Variants in PKHD1 observed in about 807,000 individuals in gnomAD.
PKHD1 encodes the protein fibrocystin.
Under a neutral mutation model 412.0 loss-of-function variants are expected in PKHD1, and 291 were observed. The ratio of observed to expected loss-of-function variants is 0.71; its 90% CI spans 0.64 to 0.78. The LOEUF (loss-of-function observed/expected upper bound fraction) is 0.78. Ranked by LOEUF, PKHD1 falls within the 30% of genes least tolerant of loss-of-function variation. The pLI is 0.00. For synonymous variants in PKHD1, 1,777 were observed against 1,821.5 expected, an observed-to-expected ratio of 0.98 and a Z score of 0.62; for missense variants, 4,825 against 4,950.7, an observed-to-expected ratio of 0.97 and a Z score of 0.76.
chr6:51,812,267 C>T (rs1478258839), intron 52 of PKHD1, among the ~76,000 whole-genome samples: 1 of 152,152 alleles, frequency 6.6e-6, no homozygotes, highest in African/African-American at 2.4e-5. Context: ...AATTTAGAAA[C>T]ATTTCCATTG....
chr6:51,722,074 T>C (rs1356994174), intron 60 of PKHD1: 2 of 1,612,866 alleles, frequency 1.2e-6, no homozygotes, highest in South Asian at 1.1e-5. Context: ...CAAAAATATG[T>C]CTCCACCCTT....
rs566971541 is a variant in PKHD1 at position 51,642,954 on chromosome 6, T to C, written c.11399-3998A>G. On this transcript the variant is annotated intron_variant, in intron 63 of 66. Coordinates refer to ENST00000371117, the MANE Select transcript of PKHD1 (RefSeq NM_138694.4). Reference sequence around the variant, plus strand: ...ATGAGTATGGGTATGGTTTGGAGTATGGGTAAGGAATAGAATATGGGTAAC... The same window carrying C: ...ATGAGTATGGGTATGGTTTGGAGTACGGGTAAGGAATAGAATATGGGTAAC... 5.3e-5 allele frequency among the ~76,000 whole-genome samples: 8 copies of C among 152,176 alleles called. No homozygotes were observed. The South Asian group carries it at 1.7e-3, about 32-fold the overall frequency.
At chr6:51,821,357 A>G (rs778188217) in intron 52 of PKHD1, among the ~76,000 whole-genome samples, 4 of 152,174 alleles carry the variant, frequency 2.6e-5, no homozygotes, top group Non-Finnish European at 5.9e-5. Context: ...TGAAAGTCCT[A>G]TGTCCCAGGA....
chr6:51,915,850 C>G (rs901697665), intron 37 of PKHD1, among the ~76,000 whole-genome samples: 4 of 151,968 alleles, frequency 2.6e-5, no homozygotes, highest in Non-Finnish European at 5.9e-5. Flanking sequence ...GATGAACTCA[C>G]AGAAAACACA....
chr6:51,967,712 TACAC>T (rs144450396), intron 35 of PKHD1, among the ~76,000 whole-genome samples: 1 of 149,880 alleles, frequency 6.7e-6, no homozygotes, highest in African/African-American at 2.4e-5. Flanking sequence ...TGCACATGAA[TACAC>T]ACACACACAC....
chr6:51,663,672 G>C lies in PKHD1; in HGVS notation c.10157-3703C>G, dbSNP rs186382503. 2.4e-4 allele frequency among the ~76,000 whole-genome samples: 37 copies of C among 152,184 alleles called. No individual in the cohort carries two copies. In the East Asian group the frequency reaches 3.3e-3, roughly 14 times the overall value. On this transcript the variant is annotated intron_variant, in intron 60 of 66. Transcript: ENST00000371117. ...TCTTCAAATCACTTTATGTGTTCTT[G>C]TCAGGTGTCTAATTATAAGACTCTT...
chr6:51,762,431 A>G (rs1051992660), intron 55 of PKHD1, among the ~76,000 whole-genome samples: 3 of 152,124 alleles, frequency 2.0e-5, no homozygotes, highest in African/African-American at 7.2e-5. Context: ...CAATCCAAAT[A>G]AAACCTCAAC....
rs1804427075 is a variant in PKHD1, at chr6:52,039,208, AAAAT to A, written c.3098-3491_3098-3488del. On this transcript the variant is annotated intron_variant, in intron 27 of 66. Transcript: ENST00000371117. ...ATGCCCATTAAGATGGCTACTGTGA[AAAAT>A]AATAATAACAAGCACTGGTGAGGGT... Among the ~76,000 whole-genome samples, 5 of 152,234 alleles carry A rather than the reference AAAAT, an allele frequency of 3.3e-5. No homozygotes were observed. The South Asian group carries it at 1.0e-3, about 32-fold the overall frequency.
chr6:51,883,268 G>T, intron 45 of PKHD1, 41 bp from the exon 46 acceptor site: 2 of 1,596,474 alleles, frequency 1.3e-6, no homozygotes, highest in Non-Finnish European at 1.7e-6. Context: ...CTGAGGCTTG[G>T]TTTTTCTTGC....
intron 14 of PKHD1, 25 bp from the exon 15 acceptor site, chr6:52,060,067 G>C: frequency 7.4e-7 from 1 of 1,344,142 alleles, no homozygotes; most frequent in Non-Finnish European, 1.1e-6. Flanking sequence ...ATAGAGTCAA[G>C]CAAGAGTAAC....
chr6:51,703,249 T>C (rs967374634), intron 60 of PKHD1, among the ~76,000 whole-genome samples: 9 of 152,070 alleles, frequency 5.9e-5, no homozygotes, highest in African/African-American at 2.2e-4. Context: ...GATCCTTTTG[T>C]TGCTTCTGAA....
chr6:51,616,699 C>A lies in PKHD1; in HGVS notation c.*2382G>T. The A allele has an allele frequency of 5.0e-6, 2 of 398,396 alleles. No homozygotes were observed. Among genetic ancestry groups the A allele is most frequent in the Non-Finnish European group, 4.4e-6 (1 of 225,976 alleles). The allele number at this position is 398,396 out of a possible 1,614,324, so 24.7% of individuals were successfully genotyped here. ...CTGGCCTCAGGGATCACAGGCTTTT[C>A]TGGGATGGAATTAGTAAGATAATTA... On this transcript the variant is annotated 3_prime_UTR_variant, in exon 67 of 67. Coordinates refer to ENST00000371117, the MANE Select transcript of PKHD1 (RefSeq NM_138694.4).
chr6:51,757,657 T>C lies in PKHD1; in HGVS notation c.8643-2719A>G, dbSNP rs556430154. Among the ~76,000 whole-genome samples, 236 of 152,230 alleles carry C rather than the reference T, an allele frequency of 1.6e-3. 1 individual carries two copies. The highest frequency in any genetic ancestry group is 5.4e-3 in the African/African-American group (223 of 41,550). ...CCTTGTGACTGGTTTTGTATTCTTG[T>C]CTTCTGTGACCATTCAACTTTTTTA... On this transcript the variant is annotated intron_variant, in intron 55 of 66. Transcript: ENST00000371117.
intron 64 of PKHD1, among the ~76,000 whole-genome samples, chr6:51,634,881 T>C (rs1768336513): frequency 6.6e-6 from 1 of 152,206 alleles, no homozygotes; most frequent in African/African-American, 2.4e-5. Context: ...CTTGAGAACA[T>C]TCTGAAGGCA....
At chr6:52,053,044 G>T (rs749637520) in intron 21 of PKHD1, 32 bp downstream of exon 21, 1 of 1,606,522 alleles carries the variant, frequency 6.2e-7, no homozygotes, top group Non-Finnish European at 8.5e-7. Flanking sequence ...GCATGTGACC[G>T]GCTTGTGGAG....
At chr6:51,739,955 A>ACTGAGTT (rs1784364069) in intron 60 of PKHD1, 2 of 518,610 alleles carry the variant, frequency 3.9e-6, no homozygotes, top group East Asian at 1.1e-4. Context: ...TGGAGCCAGA[A>ACTGAGTT]TGGAAAGCTT....
At chr6:51,640,128 C>T (rs1386118352) in intron 63 of PKHD1, among the ~76,000 whole-genome samples, 2 of 152,172 alleles carry the variant, frequency 1.3e-5, no homozygotes, top group Non-Finnish European at 2.9e-5. Flanking sequence ...GGTCAATAAA[C>T]TCTTGCAAAC....
intron 48 of PKHD1, among the ~76,000 whole-genome samples, chr6:51,859,228 T>C (rs1482313396): frequency 1.3e-5 from 2 of 152,042 alleles, no homozygotes; most frequent in Non-Finnish European, 2.9e-5. Flanking sequence ...ACGTTGATCA[T>C]TAAAAAAAAT....
At chr6:52,008,461 C>T (rs898785182) in intron 35 of PKHD1, among the ~76,000 whole-genome samples, 4 of 151,912 alleles carry the variant, frequency 2.6e-5, no homozygotes, top group African/African-American at 4.8e-5. Context: ...TGGTAGAGAA[C>T]CTTGAACATG....
Sources: allele counts gnomAD v4.1 joint callset (sites outside exome capture counted in the v4.1 genomes callset), GRCh38; gene constraint gnomAD v4.1.1; transcripts MANE v1.5; gene names NCBI Gene and HGNC (gene_info 2026-07-23, HGNC 2026-07-21).